Variants in ESRRG observed in about 807,000 individuals in gnomAD.
The protein encoded by ESRRG is estrogen-related receptor gamma.
In ESRRG, 13 loss-of-function variants were observed where a neutral mutation model predicts 44.0. The ratio of observed to expected loss-of-function variants is 0.30; its 90% CI spans 0.19 to 0.47. The LOEUF (loss-of-function observed/expected upper bound fraction) is 0.47, where lower values mean the gene tolerates loss of function less well. Among genes scored for constraint, ESRRG ranks in the 20% least tolerant of loss-of-function variants. The probability of loss-of-function intolerance (pLI) is 1.00; values close to 1 mark genes in which losing one functional copy is unlikely to be tolerated. For missense variants in ESRRG, 395 were observed against 580.6 expected (o/e 0.68, Z 3.29); for synonymous variants, 215 against 214.6 (o/e 1.00, Z -0.02).
At chr1:217,066,108 C>A (rs1006264188) in intron 1 of ESRRG, among the ~76,000 whole-genome samples, 1 of 152,180 alleles carries the variant, frequency 6.6e-6, no homozygotes, top group African/African-American at 2.4e-5. Flanking sequence ...TCGTGGCTAT[C>A]GCTACTGTTG....
intron 1 of ESRRG, among the ~76,000 whole-genome samples, chr1:217,066,255 C>CTTT (rs68151743): frequency 0.1 from 13,841 of 132,162 alleles, 885 homozygotes; most frequent in South Asian, 0.22. Flanking sequence ...TTTTTCTTTT[C>CTTT]TTTTTTTTTT....
chr1:216,781,052 C>G (rs1014094476), intron 2 of ESRRG, among the ~76,000 whole-genome samples: 2 of 151,508 alleles, frequency 1.3e-5, no homozygotes, highest in Admixed American at 1.3e-4. Context: ...TATTTTTAAC[C>G]CAAGTTAAAA....
At chr1:216,727,933 AAT>A (rs1163794788), upstream of ESRRG, among the ~76,000 whole-genome samples, 1 of 152,200 alleles carries the variant, frequency 6.6e-6, no homozygotes, top group Non-Finnish European at 1.5e-5. Context: ...GACAGAAACT[AAT>A]AGAGGCAATT....
At chr1:216,906,477 T>C (rs191630471) in intron 2 of ESRRG, among the ~76,000 whole-genome samples, 1 of 152,248 alleles carries the variant, frequency 6.6e-6, no homozygotes, top group East Asian at 1.9e-4. Flanking sequence ...GCCAGGAAAG[T>C]ACAGCCTCAA....
intron 1 of ESRRG, among the ~76,000 whole-genome samples, chr1:217,086,484 T>C (rs1477202331): frequency 1.3e-5 from 2 of 152,218 alleles, no homozygotes; most frequent in East Asian, 3.9e-4. Flanking sequence ...ACGCATCATT[T>C]CTGATGTGTA....
At chr1:216,548,610 C>T in intron 5 of ESRRG, among the ~76,000 whole-genome samples, 1 of 152,042 alleles carries the variant, frequency 6.6e-6, no homozygotes, top group Non-Finnish European at 1.5e-5. Context: ...CTACATTGTG[C>T]AAATCCAGCT....
At chr1:217,050,670 C>G (rs1199928985) in intron 1 of ESRRG, among the ~76,000 whole-genome samples, 1 of 152,136 alleles carries the variant, frequency 6.6e-6, no homozygotes, top group Non-Finnish European at 1.5e-5. Flanking sequence ...CATCCTCTAC[C>G]CAAACCGAGA....
chr1:216,685,411 G>T (rs999318510), intron 1 of ESRRG, among the ~76,000 whole-genome samples: 2 of 152,132 alleles, frequency 1.3e-5, no homozygotes, highest in Non-Finnish European at 2.9e-5. Flanking sequence ...CAAATCTCTG[G>T]TCTTTCAAAC....
At chr1:216,674,397 A>G (rs1209346936) in intron 2 of ESRRG, among the ~76,000 whole-genome samples, 1 of 152,216 alleles carries the variant, frequency 6.6e-6, no homozygotes, top group Non-Finnish European at 1.5e-5. Context: ...CAGTAAATGA[A>G]AGATTTTTGT....
chr1:216,738,138 C>T (rs568923732), intron 2 of ESRRG, among the ~76,000 whole-genome samples: 19 of 151,956 alleles, frequency 1.3e-4, no homozygotes, highest in African/African-American at 4.6e-4. Context: ...GTGAAAATCT[C>T]TGAGGGTGGG....
chr1:216,944,658 G>C (rs1182197635), intron 1 of ESRRG, among the ~76,000 whole-genome samples: 1 of 152,134 alleles, frequency 6.6e-6, no homozygotes, highest in African/African-American at 2.4e-5. Flanking sequence ...GGGAAGTCCT[G>C]TAAGGCAAAG....
At chr1:217,003,422 C>T (rs904389428) in intron 1 of ESRRG, among the ~76,000 whole-genome samples, 1 of 151,720 alleles carries the variant, frequency 6.6e-6, no homozygotes. Context: ...ACATTAGTTT[C>T]CCTTTTCTTA....
chr1:216,982,532 A>G (rs1266676360), intron 1 of ESRRG, among the ~76,000 whole-genome samples: 1 of 152,136 alleles, frequency 6.6e-6, no homozygotes, highest in Non-Finnish European at 1.5e-5. Context: ...ATACAACTGG[A>G]GGGTGACAAG....
rs2078300018 is a variant in ESRRG at position 217,009,866 on chromosome 1, T to C, written c.-105-70193A>G. Among the ~76,000 whole-genome samples, 4 of 152,004 alleles carry C rather than the reference T, an allele frequency of 2.6e-5. No homozygotes were observed. The South Asian group carries it at 8.3e-4, about 32-fold the overall frequency. The stretch of plus-strand genomic sequence containing the variant: ...GATTACAGGTGCCTGCCACCGTATC[T>C]GGCTAATTTTTGTATTTTTAGTAGA... On this transcript the variant is annotated intron_variant, in intron 1 of 7. Transcript: ENST00000359162.
intron 2 of ESRRG, among the ~76,000 whole-genome samples, chr1:216,838,889 G>T (rs1038578089): frequency 6.6e-6 from 1 of 152,194 alleles, no homozygotes; most frequent in Non-Finnish European, 1.5e-5. Context: ...TGCTGGTGGA[G>T]TGTCTTGCCT....
At chr1:217,064,087 A>G (rs1481701474) in intron 1 of ESRRG, among the ~76,000 whole-genome samples, 1 of 152,002 alleles carries the variant, frequency 6.6e-6, no homozygotes, top group Non-Finnish European at 1.5e-5. Context: ...AAAATACACA[A>G]AGCACAAGGG....
intron 2 of ESRRG, among the ~76,000 whole-genome samples, chr1:216,800,434 A>G (rs931613890): frequency 2.6e-5 from 4 of 152,166 alleles, no homozygotes; most frequent in African/African-American, 9.7e-5. Flanking sequence ...AAATATTTCA[A>G]CCAACACATA....
chr1:216,753,021 C>T (rs904872953), intron 2 of ESRRG, among the ~76,000 whole-genome samples: 1 of 151,942 alleles, frequency 6.6e-6, no homozygotes, highest in Admixed American at 6.6e-5. Flanking sequence ...TGCAGAACCA[C>T]CAGTAAGTTT....
At chr1:216,730,322 A>G (rs951845333) in intron 2 of ESRRG, among the ~76,000 whole-genome samples, 2 of 145,534 alleles carry the variant, frequency 1.4e-5, no homozygotes, top group African/African-American at 5.1e-5. Context: ...AAAAAAAAAA[A>G]GAAAGAAAAA....
Sources: gnomAD v4.1 joint callset for allele counts (sites outside exome capture counted in the v4.1 genomes callset) on GRCh38, gnomAD v4.1.1 for gene constraint, MANE v1.5 for transcripts, NCBI Gene and HGNC (gene_info 2026-07-23, HGNC 2026-07-21) for gene names.